Variants in DCAF8 observed in about 807,000 individuals in gnomAD.
DCAF8 encodes DDB1- and CUL4-associated factor 8.
A neutral mutation model predicts 68.0 loss-of-function variants in DCAF8; 20 were observed. The ratio of observed to expected loss-of-function variants is 0.29; its 90% CI spans 0.21 to 0.43. DCAF8 has a LOEUF of 0.43. DCAF8 is among the 20% of genes least tolerant of loss of function. The pLI is 1.00. For missense variants in DCAF8, 460 were observed against 771.0 expected, an observed-to-expected ratio of 0.60 and a Z score of 4.78; for synonymous variants, 230 against 276.9, an observed-to-expected ratio of 0.83 and a Z score of 1.68.
At chr1:160,223,994 A>C (rs1454784796) in intron 10 of DCAF8, among the ~76,000 whole-genome samples, 4 of 152,304 alleles carry the variant, frequency 2.6e-5, no homozygotes, top group Admixed American at 6.5e-5. Flanking sequence ...ATGGAACAAA[A>C]CAGGCCAATC....
At chr1:160,253,837 C>G (rs1216490779) in intron 2 of DCAF8, among the ~76,000 whole-genome samples, 1 of 150,664 alleles carries the variant, frequency 6.6e-6, no homozygotes, top group Non-Finnish European at 1.5e-5. Context: ...GAAAAACAAA[C>G]AAAAAAACCA....
intron 2 of DCAF8, among the ~76,000 whole-genome samples, chr1:160,248,654 G>T (rs557324154): frequency 1.3e-4 from 19 of 151,660 alleles, no homozygotes; most frequent in African/African-American, 4.4e-4. Flanking sequence ...AGTGAGCTGC[G>T]ATCGCGCCAC....
At chr1:160,260,548 G>A (rs1428366859) in intron 2 of DCAF8, among the ~76,000 whole-genome samples, 1 of 152,038 alleles carries the variant, frequency 6.6e-6, no homozygotes, top group African/African-American at 2.4e-5. Context: ...CACATGCCAT[G>A]AGCCTCTAGT....
chr1:160,237,869 A>G (rs182015746), intron 5 of DCAF8, among the ~76,000 whole-genome samples: 8 of 152,308 alleles, frequency 5.3e-5, no homozygotes, highest in Admixed American at 3.9e-4. Context: ...AATCAATTCC[A>G]TACCCTTAAG....
chr1:160,222,567 A>C, intron 11 of DCAF8, 84 bp downstream of exon 11: 1 of 1,552,522 alleles, frequency 6.4e-7, no homozygotes, highest in Non-Finnish European at 8.8e-7. Flanking sequence ...ATGTAGTCAC[A>C]GTGAGAATTC....
chr1:160,237,802 A>G (rs1655948039), intron 5 of DCAF8, among the ~76,000 whole-genome samples: 1 of 152,148 alleles, frequency 6.6e-6, no homozygotes, highest in Non-Finnish European at 1.5e-5. Context: ...AGCCTCCCAA[A>G]GTATTGGGAT....
At chr1:160,252,365 T>G (rs1656631224) in intron 2 of DCAF8, among the ~76,000 whole-genome samples, 1 of 152,180 alleles carries the variant, frequency 6.6e-6, no homozygotes, top group African/African-American at 2.4e-5. Context: ...AATGCTTCCA[T>G]GGAAAATTAG....
chr1:160,238,928 G>A (rs1388523439), intron 4 of DCAF8, 181 bp from the exon 5 acceptor site: 1 of 783,416 alleles, frequency 1.3e-6, no homozygotes, highest in Non-Finnish European at 1.9e-6. Flanking sequence ...AAAGGAAAGG[G>A]AGAGAAAAAA....
chr1:160,222,504 C>A, intron 11 of DCAF8, 147 bp downstream of exon 11: 1 of 1,084,766 alleles, frequency 9.2e-7, no homozygotes, highest in Non-Finnish European at 1.3e-6. Flanking sequence ...AAACTCAGCA[C>A]CTCCAGGCTA....
intron 6 of DCAF8, among the ~76,000 whole-genome samples, chr1:160,235,901 G>C (rs1177024824): frequency 6.6e-6 from 1 of 152,168 alleles, no homozygotes; most frequent in African/African-American, 2.4e-5. Context: ...AACATGTCCA[G>C]CTAATTTTTG....
At chr1:160,224,626 G>T in intron 9 of DCAF8, 77 bp from the exon 10 acceptor site, 1 of 1,149,280 alleles carries the variant, frequency 8.7e-7, no homozygotes, top group Non-Finnish European at 1.3e-6. Context: ...TTGGGGTGGG[G>T]CTTCTTGCCA....
At chr1:160,254,839 G>C (rs111703274) in intron 2 of DCAF8, among the ~76,000 whole-genome samples, 68 of 152,166 alleles carry the variant, frequency 4.5e-4, no homozygotes, top group Middle Eastern at 3.4e-3. Flanking sequence ...CATGTGTTAT[G>C]AAAGAAAGAA....
At position 160,219,284 on chromosome 1, in the gene DCAF8, T is replaced by G. The variant is rs528930546; in HGVS notation, c.1441-316A>C. ...CTGGCTTCGTAAGAAGACAATGAAATCCAGATGACCTCATTCACTCCAGAT... is the reference window on the plus strand; with the variant it reads ...CTGGCTTCGTAAGAAGACAATGAAAGCCAGATGACCTCATTCACTCCAGAT... On this transcript the variant is annotated intron_variant, in intron 11 of 13. Coordinates refer to ENST00000368074, the MANE Select transcript of DCAF8 (RefSeq NM_015726.4). 9 of 231,454 alleles carry G rather than the reference T, an allele frequency of 3.9e-5. No individual in the cohort carries two copies. In the East Asian group the frequency reaches 7.8e-4, roughly 20 times the overall value. The allele number at this position is 231,454 out of a possible 1,614,324, so 14.3% of individuals were successfully genotyped here.
Position 160,217,297 on chromosome 1 carries a change from C to A in DCAF8, c.*295G>T. On this transcript the variant is annotated 3_prime_UTR_variant, in exon 14 of 14. Coordinates refer to ENST00000368074, the MANE Select transcript of DCAF8 (RefSeq NM_015726.4). ...AAGAAACCCCATTCCCTATCCCAAA[C>A]CAGTTAACAAAATAGGCTTCCCTCT... The A allele has an allele frequency of 7.8e-6, 2 of 255,464 alleles. No individual in the cohort carries two copies. The highest frequency in any genetic ancestry group is 7.4e-6 in the Non-Finnish European group (1 of 135,480). The allele number at this position is 255,464 out of a possible 1,614,324, so 15.8% of individuals were successfully genotyped here. A position where few individuals can be genotyped will look rare whatever the true frequency, so the allele number is the denominator to read the frequency against.
chr1:160,252,176 C>T (rs1656624353), intron 2 of DCAF8, among the ~76,000 whole-genome samples: 1 of 152,088 alleles, frequency 6.6e-6, no homozygotes, highest in African/African-American at 2.4e-5. Flanking sequence ...TGGTACCAGG[C>T]AATTTAGAAG....
At chr1:160,250,538 T>C (rs951074219) in intron 2 of DCAF8, among the ~76,000 whole-genome samples, 1 of 146,012 alleles carries the variant, frequency 6.8e-6, no homozygotes, top group Admixed American at 6.8e-5. Context: ...TTAAATGACA[T>C]AATACCATTA....
chr1:160,239,178 G>A (rs570383662), intron 4 of DCAF8: 1 of 1,067,862 alleles, frequency 9.4e-7, no homozygotes, highest in East Asian at 7.6e-5. Flanking sequence ...TACAGTAGAT[G>A]GGGCCAAGGA....
In DCAF8 at chr1:160,239,995, G is replaced by A. The variant is rs1334652694; in HGVS notation, c.425C>T (p.Ser142Leu). 3 of 1,614,124 alleles carry A rather than the reference G, an allele frequency of 1.9e-6. No homozygotes were observed. In the African/African-American group the frequency reaches 4.0e-5, roughly 22 times the overall value. Residue 142 changes from serine (S) to leucine (L), a missense_variant, in exon 4 of 14, where the codon TCA becomes TTA. This residue lies in a region of DCAF8 where 170 missense variants were observed against 318.2 expected (regional missense o/e 0.53). Coordinates refer to ENST00000368074, the MANE Select transcript of DCAF8 (RefSeq NM_015726.4). ...DERALEDWVSSETSALPRPRW... is the reference protein window; with the variant it reads ...DERALEDWVSLETSALPRPRW... ...AGGTCGGGGTAGAGCTGATGTTTCT[G>A]AGGACACCCAGTCCTCTAGGGCCCG...
intron 6 of DCAF8, among the ~76,000 whole-genome samples, chr1:160,235,560 T>G (rs1655842389): frequency 6.6e-6 from 1 of 151,866 alleles, no homozygotes; most frequent in African/African-American, 2.4e-5. Context: ...GCTTTTATGG[T>G]CCAACACAGA....
Sources: allele counts gnomAD v4.1 joint callset (sites outside exome capture counted in the v4.1 genomes callset), GRCh38; gene constraint gnomAD v4.1.1; regional missense constraint gnomAD v4.1.1; transcripts MANE v1.5; gene names NCBI Gene and HGNC (gene_info 2026-07-23, HGNC 2026-07-21).